CRACDL: variants seen among roughly 807,000 people sequenced by gnomAD.
CRACDL encodes the protein CRACD like, also known as CRACD-like protein.
Under a neutral mutation model 70.6 loss-of-function variants are expected in CRACDL, and 26 were observed. The observed-to-expected ratio is 0.37, with a 90% CI of 0.27 to 0.51. The LOEUF (loss-of-function observed/expected upper bound fraction) is 0.51. Among genes scored for constraint, CRACDL ranks in the 20% least tolerant of loss-of-function variants. The probability of loss-of-function intolerance (pLI) is 0.94; values close to 1 mark genes in which losing one functional copy is unlikely to be tolerated. For missense variants in CRACDL, 1,283 were observed against 1,376.9 expected (o/e 0.93, Z 1.08); for synonymous variants, 618 against 615.2 (o/e 1.00, Z -0.07).
At chr2:98,813,527 CA>C (rs1215557891) in intron 7 of CRACDL, among the ~76,000 whole-genome samples, 1 of 152,026 alleles carries the variant, frequency 6.6e-6, no homozygotes, top group Non-Finnish European at 1.5e-5. Context: ...CATTCATAGG[CA>C]AAAGTATGAA....
chr2:98,853,431 G>C (rs1326747937), intron 1 of CRACDL, among the ~76,000 whole-genome samples: 2 of 152,036 alleles, frequency 1.3e-5, no homozygotes, highest in African/African-American at 4.8e-5. Flanking sequence ...TTTTAGATAA[G>C]TGAAAAGTAC....
At chr2:98,803,561 C>T (rs1704170767) in intron 7 of CRACDL, among the ~76,000 whole-genome samples, 1 of 152,178 alleles carries the variant, frequency 6.6e-6, no homozygotes, top group African/African-American at 2.4e-5. Context: ...AAAAGCTTCC[C>T]ATAAATCAAC....
chr2:98,892,819 G>A (rs1708013580), intron 1 of CRACDL, among the ~76,000 whole-genome samples: 1 of 152,074 alleles, frequency 6.6e-6, no homozygotes, highest in African/African-American at 2.4e-5. Flanking sequence ...TGTAAATGTA[G>A]CCAGTGATAG....
intron 5 of CRACDL, 71 bp downstream of exon 5, chr2:98,832,277 G>T: frequency 6.5e-7 from 1 of 1,533,988 alleles, no homozygotes; most frequent in Admixed American, 1.7e-5. Context: ...CACACACAGG[G>T]GATCTCAGAG....
chr2:98,841,229 T>C (rs1388273589), intron 2 of CRACDL, among the ~76,000 whole-genome samples: 3 of 152,166 alleles, frequency 2.0e-5, no homozygotes, highest in Admixed American at 2.0e-4. Context: ...AATCTAATAA[T>C]CTTTAACTCT....
At chr2:98,868,150 C>A (rs973190264) in intron 1 of CRACDL, among the ~76,000 whole-genome samples, 1 of 152,144 alleles carries the variant, frequency 6.6e-6, no homozygotes, top group Non-Finnish European at 1.5e-5. Context: ...CAGTACAAGG[C>A]CCTGTCTTCA....
intron 1 of CRACDL, among the ~76,000 whole-genome samples, chr2:98,908,033 G>T (rs2104669715): frequency 6.6e-6 from 1 of 152,334 alleles, no homozygotes; most frequent in African/African-American, 2.4e-5. Context: ...GGAATAGAAG[G>T]CCAGTTTTCA....
At chr2:98,846,994 G>A (rs1004084006) in intron 1 of CRACDL, among the ~76,000 whole-genome samples, 184 bp from the exon 2 acceptor site, 8 of 152,154 alleles carry the variant, frequency 5.3e-5, no homozygotes, top group African/African-American at 1.4e-4. Context: ...ATCAGTAACC[G>A]CATAAGCGTT....
rs1706222366 is a variant in CRACDL, at chr2:98,845,515, C to T, written c.70+1216G>A. 3.3e-5 allele frequency among the ~76,000 whole-genome samples: 5 copies of T among 152,010 alleles called. No homozygotes were observed. The South Asian group carries it at 1.0e-3, about 32-fold the overall frequency. Reference sequence around the variant, plus strand: ...TGGCCCATTTTCCTTTCAATTCTGGCCTTATTATTTCTTACTTTGAAAAAT... The same window carrying T: ...TGGCCCATTTTCCTTTCAATTCTGGTCTTATTATTTCTTACTTTGAAAAAT... On this transcript the variant is annotated intron_variant, in intron 2 of 9. Transcript: ENST00000397899.
chr2:98,905,452 T>C (rs1343076062), intron 1 of CRACDL, among the ~76,000 whole-genome samples: 1 of 152,186 alleles, frequency 6.6e-6, no homozygotes, highest in East Asian at 1.9e-4. Flanking sequence ...TATAAATTAC[T>C]AAGTCTCAGA....
At chr2:98,795,065 A>AAAAATT (rs1703745869) in intron 9 of CRACDL, among the ~76,000 whole-genome samples, 2 of 41,094 alleles carry the variant, frequency 4.9e-5, no homozygotes, top group African/African-American at 1.7e-4. Context: ...ATATATATAT[A>AAAAATT]TATATATATA....
intron 1 of CRACDL, among the ~76,000 whole-genome samples, chr2:98,931,665 T>A (rs2104710492): frequency 6.6e-6 from 1 of 152,352 alleles, no homozygotes; most frequent in Non-Finnish European, 1.5e-5. Context: ...CCTTTCCATC[T>A]GCACTTTTCA....
chr2:98,909,400 A>G (rs1708491099), intron 1 of CRACDL, among the ~76,000 whole-genome samples: 1 of 152,232 alleles, frequency 6.6e-6, no homozygotes, highest in African/African-American at 2.4e-5. Flanking sequence ...GAGCAGGTTC[A>G]GGAAAACCCT....
chr2:98,834,844 C>T (rs954954809), intron 3 of CRACDL, among the ~76,000 whole-genome samples: 1 of 151,982 alleles, frequency 6.6e-6, no homozygotes, highest in African/African-American at 2.4e-5. Flanking sequence ...GACTCCACAT[C>T]CAAGATAGAA....
chr2:98,908,638 C>T (rs979794563), intron 1 of CRACDL: 2 of 152,274 alleles, frequency 1.3e-5, no homozygotes, highest in Non-Finnish European at 2.9e-5. Context: ...AGGTCTGTCC[C>T]CTCCCTTCCC....
At chr2:98,798,128 T>C (rs1209145103) in intron 7 of CRACDL, among the ~76,000 whole-genome samples, 2 of 152,156 alleles carry the variant, frequency 1.3e-5, no homozygotes, top group Admixed American at 1.3e-4. Context: ...GTGGATCACC[T>C]GAGGTCAGGA....
chr2:98,840,582 A>G (rs923514489), intron 2 of CRACDL: 2 of 152,124 alleles, frequency 1.3e-5, no homozygotes, highest in East Asian at 3.8e-4. Context: ...AATTACTGAG[A>G]GAGATGTGTT....
chr2:98,820,438 G>T (rs1421383617), intron 7 of CRACDL, among the ~76,000 whole-genome samples: 3 of 152,140 alleles, frequency 2.0e-5, no homozygotes, highest in African/African-American at 7.2e-5. Flanking sequence ...GGAGGCTGAG[G>T]CAGGAGAATC....
At chr2:98,892,509 G>A (rs1708004916) in intron 1 of CRACDL, among the ~76,000 whole-genome samples, 1 of 151,958 alleles carries the variant, frequency 6.6e-6, no homozygotes, top group Non-Finnish European at 1.5e-5. Flanking sequence ...AGTCAACATA[G>A]TGAAACCCCA....
Sources: gnomAD v4.1 joint callset for allele counts (sites outside exome capture counted in the v4.1 genomes callset) on GRCh38, gnomAD v4.1.1 for gene constraint, MANE v1.5 for transcripts, NCBI Gene and HGNC (gene_info 2026-07-23, HGNC 2026-07-21) for gene names.